The following NELL1 variants were observed in gnomAD, a reference collection of about 807,000 sequenced individuals.
NELL1 encodes the protein neural EGFL like 1, also known as protein kinase C-binding protein NELL1.
Under a neutral mutation model 107.4 loss-of-function variants are expected in NELL1, and 76 were observed. The ratio of observed to expected loss-of-function variants is 0.71; its 90% CI spans 0.59 to 0.86. The LOEUF (loss-of-function observed/expected upper bound fraction) is 0.86, where lower values mean the gene tolerates loss of function less well. NELL1 is among the 40% of genes least tolerant of loss of function. NELL1 has a pLI of 0.00. For missense variants in NELL1, 1,024 were observed against 1,005.5 expected (o/e 1.02, Z -0.25); for synonymous variants, 353 against 341.2 (o/e 1.03, Z -0.38).
At chr11:21,086,152 T>C (rs1205196639) in intron 12 of NELL1, among the ~76,000 whole-genome samples, 1 of 152,258 alleles carries the variant, frequency 6.6e-6, no homozygotes, top group Non-Finnish European at 1.5e-5. Context: ...AGGCAGGGGC[T>C]GTGTCATACC....
chr11:21,059,271 T>G (rs1436343334), intron 12 of NELL1, among the ~76,000 whole-genome samples: 13 of 152,002 alleles, frequency 8.6e-5, no homozygotes, highest in South Asian at 2.1e-4. Context: ...TTTTGTTTTT[T>G]TTTTTTTCAA....
chr11:20,763,208 A>G (rs1296117547), intron 2 of NELL1, among the ~76,000 whole-genome samples: 3 of 152,120 alleles, frequency 2.0e-5, no homozygotes, highest in South Asian at 2.1e-4. Flanking sequence ...GCTGGGGTCT[A>G]TCCACCCATT....
Position 20,976,172 on chromosome 11 carries a change from G to T in NELL1, c.1300+15612G>T, listed in dbSNP as rs148678676. The stretch of plus-strand genomic sequence containing the variant: ...GTATATATATACACACATTATATCT[G>T]TACATATATATGTTTATATCTGTAC... On this transcript the variant is annotated intron_variant, in intron 12 of 19. Transcript: ENST00000357134. Among the ~76,000 whole-genome samples the T allele has an allele frequency of 7.0e-3, 745 of 106,862 alleles. 31 individuals carry two copies. Among genetic ancestry groups the T allele is most frequent in the African/African-American group, 0.028 (706 of 25,132 alleles). The allele number at this position is 106,862 out of a possible 152,430, so 70.1% of individuals were successfully genotyped here. A position where few individuals can be genotyped will look rare whatever the true frequency, so the allele number is the denominator to read the frequency against.
intron 15 of NELL1, among the ~76,000 whole-genome samples, chr11:21,393,109 A>G (rs952911690): frequency 2.6e-5 from 4 of 151,718 alleles, no homozygotes; most frequent in African/African-American, 9.7e-5. Flanking sequence ...GAATGTAAAT[A>G]AGGGGAAATG....
At chr11:20,914,045 T>C (rs956504732) in intron 5 of NELL1, among the ~76,000 whole-genome samples, 3 of 152,138 alleles carry the variant, frequency 2.0e-5, no homozygotes, top group Non-Finnish European at 1.5e-5. Flanking sequence ...TGTTGGTTCA[T>C]GTTAAGGGGA....
chr11:21,214,568 C>T (rs1005489255), intron 13 of NELL1, among the ~76,000 whole-genome samples: 3 of 151,966 alleles, frequency 2.0e-5, no homozygotes, highest in African/African-American at 4.8e-5. Flanking sequence ...TATGGAGAAA[C>T]GATCATTCAG....
At chr11:21,155,326 T>C (rs10833468) in intron 13 of NELL1, among the ~76,000 whole-genome samples, 41,894 of 152,002 alleles carry the variant, frequency 0.28, 5,981 homozygotes, top group Middle Eastern at 0.34. Context: ...GGTAAATGGA[T>C]GTGTCTGAAA....
intron 2 of NELL1, among the ~76,000 whole-genome samples, chr11:20,734,039 TTAA>T (rs1371689557): frequency 6.6e-6 from 1 of 150,378 alleles, no homozygotes; most frequent in Non-Finnish European, 1.5e-5. Flanking sequence ...CAAGAAGGAG[TTAA>T]TATTAGGGCA....
At chr11:20,831,682 G>T (rs1425744852) in intron 3 of NELL1, among the ~76,000 whole-genome samples, 1 of 152,174 alleles carries the variant, frequency 6.6e-6, no homozygotes, top group Non-Finnish European at 1.5e-5. Flanking sequence ...TTGAACTGCT[G>T]CAGATTGGGC....
intron 14 of NELL1, among the ~76,000 whole-genome samples, chr11:21,301,558 T>G (rs1849492519): frequency 6.6e-6 from 1 of 152,192 alleles, no homozygotes; most frequent in Admixed American, 6.5e-5. Flanking sequence ...GAGAAGTGTC[T>G]GTTCATATCC....
chr11:20,670,355 G>T (rs1257645132), intron 1 of NELL1: 2 of 152,578 alleles, frequency 1.3e-5, no homozygotes, highest in Non-Finnish European at 2.9e-5. Flanking sequence ...ATTCTCCTCC[G>T]CCTGTCTTTG....
intron 14 of NELL1, among the ~76,000 whole-genome samples, chr11:21,253,281 A>G (rs1007792117): frequency 5.9e-5 from 9 of 152,058 alleles, no homozygotes; most frequent in African/African-American, 2.2e-4. Context: ...CTATTTTGTT[A>G]GTTTCATGGC....
At chr11:21,408,796 A>G (rs1852295747) in intron 15 of NELL1, among the ~76,000 whole-genome samples, 1 of 152,140 alleles carries the variant, frequency 6.6e-6, no homozygotes, top group Non-Finnish European at 1.5e-5. Context: ...TTCTCAGAAG[A>G]AGACATTTAT....
At chr11:20,842,075 G>C (rs1196966263) in intron 3 of NELL1, among the ~76,000 whole-genome samples, 1 of 152,162 alleles carries the variant, frequency 6.6e-6, no homozygotes, top group Non-Finnish European at 1.5e-5. Flanking sequence ...GACCAGGAAA[G>C]AGACAGGAGC....
At chr11:20,759,315 G>A (rs1856366925) in intron 2 of NELL1, among the ~76,000 whole-genome samples, 1 of 152,108 alleles carries the variant, frequency 6.6e-6, no homozygotes, top group Admixed American at 6.5e-5. Flanking sequence ...GGGCTGACCT[G>A]GAGTCTCAGA....
intron 7 of NELL1, among the ~76,000 whole-genome samples, chr11:20,925,806 G>T (rs149843806): frequency 1.0e-3 from 158 of 152,252 alleles, no homozygotes; most frequent in African/African-American, 3.7e-3. Flanking sequence ...AATTCCAAAA[G>T]CTTGGAGGAA....
intron 12 of NELL1, among the ~76,000 whole-genome samples, chr11:20,963,225 A>G (rs965046732): frequency 6.6e-6 from 1 of 152,132 alleles, no homozygotes; most frequent in African/African-American, 2.4e-5. Context: ...TTTATGCTCA[A>G]AGAAAGTCCT....
chr11:21,430,088 G>T (rs1052230299), intron 15 of NELL1, among the ~76,000 whole-genome samples: 1 of 152,062 alleles, frequency 6.6e-6, no homozygotes, highest in African/African-American at 2.4e-5. Flanking sequence ...GTGTTTAGCA[G>T]CAAATAATGT....
chr11:21,141,886 C>T (rs893720622), intron 13 of NELL1, among the ~76,000 whole-genome samples: 1 of 152,068 alleles, frequency 6.6e-6, no homozygotes, highest in African/African-American at 2.4e-5. Flanking sequence ...TCCTAAGCCT[C>T]CGGAGTAGCT....
Sources: gnomAD v4.1 joint callset for allele counts (sites outside exome capture counted in the v4.1 genomes callset) on GRCh38, gnomAD v4.1.1 for gene constraint, MANE v1.5 for transcripts, NCBI Gene and HGNC (gene_info 2026-07-23, HGNC 2026-07-21) for gene names.